The following TTC28 variants were observed in gnomAD, a reference collection of about 807,000 sequenced individuals.
The protein encoded by TTC28 is tetratricopeptide repeat protein 28.
TTC28 carries 61 observed loss-of-function variants against 198.0 expected under a neutral mutation model. The ratio of observed to expected loss-of-function variants is 0.31; its 90% CI spans 0.25 to 0.38. TTC28 has a LOEUF of 0.38. Among genes scored for constraint, TTC28 ranks in the 10% least tolerant of loss-of-function variants. The pLI, the probability that TTC28 is intolerant of heterozygous loss-of-function variation, is 1.00. For missense variants in TTC28, 2,678 were observed against 3,164.0 expected, an observed-to-expected ratio of 0.85 and a Z score of 3.69; for synonymous variants, 1,171 against 1,297.8, an observed-to-expected ratio of 0.90 and a Z score of 2.10.
intron 5 of TTC28, among the ~76,000 whole-genome samples, chr22:28,279,047 C>G (rs1373356266): frequency 1.3e-5 from 2 of 152,088 alleles, no homozygotes; most frequent in Non-Finnish European, 2.9e-5. Flanking sequence ...ATCCTTCTTT[C>G]ACTACCAAGA....
chr22:28,463,405 AT>A (rs2047976234), intron 2 of TTC28, among the ~76,000 whole-genome samples: 1 of 152,170 alleles, frequency 6.6e-6, no homozygotes, highest in Admixed American at 6.5e-5. Flanking sequence ...CAGCCATTGC[AT>A]TACTGGGTAT....
chr22:28,079,867 T>C lies in TTC28; in HGVS notation c.3932+14213A>G, dbSNP rs142734951. Reference sequence around the variant, plus strand: ...CCTCAGCCTCCTGAGTAGCTGGTACTATAGGCATACGACCACATCTGGCTA... The same window carrying C: ...CCTCAGCCTCCTGAGTAGCTGGTACCATAGGCATACGACCACATCTGGCTA... On this transcript the variant is annotated intron_variant, in intron 12 of 22. Transcript: ENST00000397906. Among the ~76,000 whole-genome samples, 16 of 152,284 alleles carry C rather than the reference T, an allele frequency of 1.1e-4. No individual in the cohort carries two copies. The East Asian group carries it at 2.9e-3, about 28-fold the overall frequency.
At chr22:28,282,252 C>T (rs560012325) in intron 5 of TTC28, among the ~76,000 whole-genome samples, 1 of 152,154 alleles carries the variant, frequency 6.6e-6, no homozygotes, top group Admixed American at 6.6e-5. Flanking sequence ...GAAGCAGAAT[C>T]TTCTCTCTTT....
chr22:28,003,570 C>G (rs1937802251), intron 14 of TTC28, among the ~76,000 whole-genome samples: 1 of 152,170 alleles, frequency 6.6e-6, no homozygotes, highest in Non-Finnish European at 1.5e-5. Context: ...AGATATCATC[C>G]CACAGGCTAC....
Position 28,357,280 on chromosome 22 carries a change from G to A in TTC28, c.382-50637C>T, listed in dbSNP as rs7293211. Among the ~76,000 whole-genome samples, 706 of 149,404 alleles carry A rather than the reference G, an allele frequency of 4.7e-3. 3 individuals carry two copies. The highest frequency in any genetic ancestry group is 0.017 in the African/African-American group (677 of 40,670). On this transcript the variant is annotated intron_variant, in intron 2 of 22. Transcript: ENST00000397906. ...TTTCTCTACATGAGCCACTGGTTTA[G>A]TCATTAGGTAGAAATCACTTTTATC... is the stretch of plus-strand genomic sequence containing the variant.
chr22:28,561,018 A>G (rs1328685190), intron 2 of TTC28, among the ~76,000 whole-genome samples: 3 of 147,364 alleles, frequency 2.0e-5, no homozygotes, highest in East Asian at 4.1e-4. Context: ...CGGCCTCCCA[A>G]TGTGCTGGGA....
intron 14 of TTC28, among the ~76,000 whole-genome samples, chr22:28,008,900 A>G (rs1938027554): frequency 6.6e-6 from 1 of 152,224 alleles, no homozygotes; most frequent in Admixed American, 6.5e-5. Context: ...GGACTGGCCC[A>G]GATCAGTCCA....
chr22:28,328,790 AATAAT>A (rs2045572517), intron 2 of TTC28, among the ~76,000 whole-genome samples: 1 of 145,430 alleles, frequency 6.9e-6, no homozygotes, highest in Non-Finnish European at 1.5e-5. Context: ...TAATAATAAT[AATAAT>A]AATAATAATA....
chr22:28,620,218 T>C lies in TTC28; in HGVS notation c.381+9334A>G, dbSNP rs141046543. Reference sequence around the variant, plus strand: ...TATAAAAATTAGCTGGGTATGGTGGTGCACACCTGTAATCCCAGCTACTCA... The same window carrying C: ...TATAAAAATTAGCTGGGTATGGTGGCGCACACCTGTAATCCCAGCTACTCA... On this transcript the variant is annotated intron_variant, in intron 2 of 22. Coordinates refer to ENST00000397906, the MANE Select transcript of TTC28 (RefSeq NM_001145418.2). 4.6e-4 allele frequency among the ~76,000 whole-genome samples: 70 copies of C among 151,914 alleles called. No homozygotes were observed. In the East Asian group the frequency reaches 0.011, roughly 24 times the overall value.
chr22:28,552,413 G>A (rs998425605), intron 2 of TTC28, among the ~76,000 whole-genome samples: 3 of 152,134 alleles, frequency 2.0e-5, no homozygotes, highest in East Asian at 1.9e-4. Context: ...AAAAGAGCCC[G>A]CATAGCCACG....
chr22:28,583,128 C>T (rs1287268899), intron 2 of TTC28, among the ~76,000 whole-genome samples: 1 of 152,106 alleles, frequency 6.6e-6, no homozygotes, highest in African/African-American at 2.4e-5. Flanking sequence ...CTACCCACCC[C>T]CGCAATGCAA....
chr22:28,427,817 T>G (rs2047372833), intron 2 of TTC28, among the ~76,000 whole-genome samples: 1 of 151,122 alleles, frequency 6.6e-6, no homozygotes, highest in Non-Finnish European at 1.5e-5. Context: ...CAAATTCAGG[T>G]AAATTAAGTC....
chr22:28,319,303 C>T (rs2045406732), intron 2 of TTC28, among the ~76,000 whole-genome samples: 1 of 152,180 alleles, frequency 6.6e-6, no homozygotes, highest in East Asian at 1.9e-4. Context: ...ATTGAAGCAA[C>T]TGACAAAGGT....
At chr22:28,531,460 G>C (rs1032819886) in intron 2 of TTC28, among the ~76,000 whole-genome samples, 3 of 152,048 alleles carry the variant, frequency 2.0e-5, no homozygotes, top group Non-Finnish European at 1.5e-5. Flanking sequence ...AATAATAATG[G>C]GAGATTTTAA....
At chr22:28,132,001 A>G (rs1175259027) in intron 6 of TTC28, among the ~76,000 whole-genome samples, 1 of 152,228 alleles carries the variant, frequency 6.6e-6, no homozygotes, top group Admixed American at 6.5e-5. Flanking sequence ...TAAGGCCATT[A>G]TGCCAAGTAA....
At chr22:28,544,165 T>C (rs1183230824) in intron 2 of TTC28, among the ~76,000 whole-genome samples, 2 of 151,814 alleles carry the variant, frequency 1.3e-5, no homozygotes, top group African/African-American at 4.8e-5. Context: ...TTGCAGTGAG[T>C]TGAGATCACA....
chr22:28,353,253 G>T (rs1601677346), intron 2 of TTC28, among the ~76,000 whole-genome samples: 1 of 151,968 alleles, frequency 6.6e-6, no homozygotes, highest in African/African-American at 2.4e-5. Flanking sequence ...CTTAAGGATT[G>T]TATTTTTGGA....
chr22:28,066,195 TTGATA>T (rs1940738667), intron 12 of TTC28, among the ~76,000 whole-genome samples: 1 of 152,164 alleles, frequency 6.6e-6, no homozygotes, highest in South Asian at 2.1e-4. Context: ...ATGTAATACT[TTGATA>T]TATGTATATA....
chr22:28,076,178 A>C (rs901761702), intron 12 of TTC28, among the ~76,000 whole-genome samples: 4 of 152,214 alleles, frequency 2.6e-5, no homozygotes, highest in Admixed American at 1.3e-4. Context: ...AACCTTATCA[A>C]TTTGGATTAA....
Sources: allele counts gnomAD v4.1 joint callset (sites outside exome capture counted in the v4.1 genomes callset), GRCh38; gene constraint gnomAD v4.1.1; transcripts MANE v1.5; gene names NCBI Gene and HGNC (gene_info 2026-07-23, HGNC 2026-07-21).